Variants in TEX11 observed in about 807,000 individuals in gnomAD.
TEX11 encodes the protein testis expressed 11.
In TEX11, 7 loss-of-function variants were observed where a neutral mutation model predicts 84.4. The ratio of observed to expected loss-of-function variants is 0.08; its 90% CI spans 0.05 to 0.16. The LOEUF (loss-of-function observed/expected upper bound fraction) is 0.16, where lower values mean the gene tolerates loss of function less well. Ranked by LOEUF, TEX11 falls within the 10% of genes least tolerant of loss-of-function variation. The pLI, the probability that TEX11 is intolerant of heterozygous loss-of-function variation, is 1.00. For missense variants in TEX11, 551 were observed against 660.5 expected, an observed-to-expected ratio of 0.83 and a Z score of 1.82; for synonymous variants, 264 against 222.8, an observed-to-expected ratio of 1.18 and a Z score of -1.64.
intron 9 of TEX11, among the ~76,000 whole-genome samples, chrX:70,787,728 G>A (rs964112444): frequency 7.2e-5 from 8 of 111,832 alleles, no homozygotes; most frequent in African/African-American, 2.6e-4. Context: ...AAAGGAAGAA[G>A]TGAAATTGTA....
intron 11 of TEX11, 57 bp downstream of exon 11, chrX:70,740,644 G>T: frequency 1.2e-6 from 1 of 847,873 alleles, no homozygotes; most frequent in Non-Finnish European, 1.7e-6. Flanking sequence ...ATTTCAAAAT[G>T]TGATCAAGAC....
At chrX:70,794,626 C>A (rs2091145427) in intron 9 of TEX11, among the ~76,000 whole-genome samples, 1 of 108,724 alleles carries the variant, frequency 9.2e-6, no homozygotes. Context: ...ATTTGGATAA[C>A]AACTCTGCTA....
Position 70,671,910 on chromosome X carries a change from T to TATATATATATAG in TEX11, c.1243-1397_1243-1396insCTATATATATAT, listed in dbSNP as rs57166359. Among the ~76,000 whole-genome samples, 548 of 67,926 alleles carry TATATATATATAG rather than the reference T, an allele frequency of 8.1e-3. 14 individuals carry two copies. Among genetic ancestry groups the TATATATATATAG allele is most frequent in the Admixed American group, 0.022 (108 of 4,809 alleles). The allele number at this position is 67,926 out of a possible 115,157, so 59.0% of individuals were successfully genotyped here. ...ATATATATATATATATATATATATATACACACACACATAGCTAAAACCATC... is the reference window on the plus strand; with the variant it reads ...ATATATATATATATATATATATATATATATATATATAGACACACACACATAGCTAAAACCATC... On this transcript the variant is annotated intron_variant, in intron 15 of 29. Coordinates refer to ENST00000374333, the MANE Select transcript of TEX11 (RefSeq NM_031276.3).
intron 22 of TEX11, among the ~76,000 whole-genome samples, chrX:70,607,734 C>G (rs73542426): frequency 0.084 from 9,344 of 111,886 alleles, 847 homozygotes; most frequent in African/African-American, 0.27. Context: ...TGGAGAGATT[C>G]ATATCTTCCA....
chrX:70,860,146 T>TG (rs1424158272), intron 5 of TEX11, among the ~76,000 whole-genome samples: 2 of 111,864 alleles, frequency 1.8e-5, no homozygotes, highest in Non-Finnish European at 3.8e-5. Flanking sequence ...AAAATATAAC[T>TG]GTGTGAAGGC....
chrX:70,737,612 CAT>C (rs2090705466), intron 11 of TEX11, among the ~76,000 whole-genome samples: 1 of 110,037 alleles, frequency 9.1e-6, no homozygotes, highest in Non-Finnish European at 1.9e-5. Flanking sequence ...AAAGAACAAA[CAT>C]AAGAATGGCA....
intron 25 of TEX11, among the ~76,000 whole-genome samples, chrX:70,576,489 T>C: frequency 8.9e-6 from 1 of 112,393 alleles, no homozygotes; most frequent in Non-Finnish European, 1.9e-5. Flanking sequence ...AAAATTCAAA[T>C]GCAGAAACAA....
intron 24 of TEX11, among the ~76,000 whole-genome samples, chrX:70,598,268 C>A (rs1333134708): frequency 5.3e-5 from 6 of 112,183 alleles, no homozygotes; most frequent in Admixed American, 4.7e-4. Flanking sequence ...AAAAGATTCT[C>A]AACATCATTA....
At chrX:70,537,811 T>A (rs1192762017) in intron 28 of TEX11, among the ~76,000 whole-genome samples, 2 of 111,199 alleles carry the variant, frequency 1.8e-5, no homozygotes, top group Non-Finnish European at 3.8e-5. Flanking sequence ...AAACGGAAAC[T>A]GTGAGGTACA....
intron 12 of TEX11, chrX:70,724,012 G>T: frequency 1.5e-6 from 1 of 672,825 alleles, no homozygotes. Flanking sequence ...TATCTAGATT[G>T]AGTTAAGTAA....
chrX:70,873,329 CTTAG>C (rs771426857), intron 3 of TEX11, 22 bp from the exon 4 acceptor site: 2 of 1,067,066 alleles, frequency 1.9e-6, no homozygotes, highest in Non-Finnish European at 2.6e-6. Flanking sequence ...GAAACATTTC[CTTAG>C]TTAGTTAAAA....
At chrX:70,835,234 G>GTTGT (rs1382834217) in intron 7 of TEX11, among the ~76,000 whole-genome samples, 1 of 111,907 alleles carries the variant, frequency 8.9e-6, no homozygotes, top group East Asian at 2.8e-4. Context: ...GATAGATGTT[G>GTTGT]CTGTCTGTTC....
intron 9 of TEX11, among the ~76,000 whole-genome samples, chrX:70,784,506 A>G (rs2091064390): frequency 9.0e-6 from 1 of 111,681 alleles, no homozygotes; most frequent in Non-Finnish European, 1.9e-5. Flanking sequence ...AAAGAAATAA[A>G]GGGTATTCAA....
At chrX:70,653,379 G>A (rs2089829629) in intron 16 of TEX11, among the ~76,000 whole-genome samples, 1 of 111,869 alleles carries the variant, frequency 8.9e-6, no homozygotes, top group African/African-American at 3.2e-5. Flanking sequence ...ATGGGCAAAA[G>A]ACCTGAAGAA....
chrX:70,535,238 T>C (rs1177314641), intron 28 of TEX11, among the ~76,000 whole-genome samples: 1 of 112,185 alleles, frequency 8.9e-6, no homozygotes, highest in Non-Finnish European at 1.9e-5. Context: ...ATTCAGGCTG[T>C]TTCCATTTTG....
At chrX:70,663,840 G>T (rs2089953037) in intron 16 of TEX11, among the ~76,000 whole-genome samples, 1 of 111,395 alleles carries the variant, frequency 9.0e-6, no homozygotes, top group Non-Finnish European at 1.9e-5. Context: ...CTATACAGTT[G>T]TTCCCTCGTA....
chrX:70,651,367 A>C, intron 17 of TEX11, 83 bp downstream of exon 17: 7 of 614,674 alleles, frequency 1.1e-5, no homozygotes, highest in Non-Finnish European at 1.7e-5. Context: ...CTTAAAAACA[A>C]TGTTTTTTTC....
In TEX11 at chrX:70,853,857, A is replaced by C. The variant is rs920459066; in HGVS notation, c.325-529T>G. Among the ~76,000 whole-genome samples the C allele has an allele frequency of 2.7e-5, 3 of 112,175 alleles. No homozygotes were observed. The East Asian group carries it at 8.4e-4, about 31-fold the overall frequency. On this transcript the variant is annotated intron_variant, in intron 5 of 29. Transcript: ENST00000374333. ...AACAGCCCTGGATGCGAACAGTAGG[A>C]ACATCAGGCAATAGGCCTCCCCAAG... is the stretch of plus-strand genomic sequence containing the variant.
chrX:70,624,708 C>T, intron 19 of TEX11, 131 bp downstream of exon 19: 1 of 448,891 alleles, frequency 2.2e-6, no homozygotes, highest in Non-Finnish European at 3.7e-6. Flanking sequence ...AAGTCCCAAC[C>T]TCACCCTCCT....
Sources: allele counts gnomAD v4.1 joint callset (sites outside exome capture counted in the v4.1 genomes callset), GRCh38; gene constraint gnomAD v4.1.1; transcripts MANE v1.5; gene names NCBI Gene and HGNC (gene_info 2026-07-23, HGNC 2026-07-21).